Variants in BTBD9 observed in about 807,000 individuals in gnomAD.
BTBD9 encodes BTB/POZ domain-containing protein 9.
A neutral mutation model predicts 64.3 loss-of-function variants in BTBD9; 49 were observed. The ratio of observed to expected loss-of-function variants is 0.76; its 90% confidence interval spans 0.61 to 0.97. The LOEUF (loss-of-function observed/expected upper bound fraction) is 0.97. Among genes scored for constraint, BTBD9 ranks in the 50% least tolerant of loss-of-function variants. The probability of loss-of-function intolerance (pLI) is 0.00; values close to 1 mark genes in which losing one functional copy is unlikely to be tolerated. For missense variants in BTBD9, 598 were observed against 762.1 expected (o/e 0.78, Z 2.53); for synonymous variants, 260 against 274.7 (o/e 0.95, Z 0.53).
At chr6:38,591,338 T>C (rs1216186942) in intron 4 of BTBD9, among the ~76,000 whole-genome samples, 3 of 152,316 alleles carry the variant, frequency 2.0e-5, no homozygotes, top group South Asian at 2.1e-4. Flanking sequence ...CCAACTCTTA[T>C]ACTATTCAAA....
chr6:38,574,928 T>C (rs1775960063), intron 6 of BTBD9, among the ~76,000 whole-genome samples: 1 of 152,216 alleles, frequency 6.6e-6, no homozygotes. Flanking sequence ...ACTACACAGT[T>C]CTGATTTATA....
At chr6:38,554,667 G>A (rs1358471701) in intron 6 of BTBD9, among the ~76,000 whole-genome samples, 1 of 152,104 alleles carries the variant, frequency 6.6e-6, no homozygotes, top group Non-Finnish European at 1.5e-5. Context: ...TCTTTTCACA[G>A]ATTTCAAAAT....
intron 1 of BTBD9, among the ~76,000 whole-genome samples, chr6:38,603,464 T>C (rs1777325722): frequency 1.3e-5 from 2 of 152,202 alleles, no homozygotes; most frequent in Admixed American, 6.5e-5. Context: ...ACACTGAGAG[T>C]ACCATATGTA....
At chr6:38,322,637 T>C (rs1199528241) in intron 7 of BTBD9, among the ~76,000 whole-genome samples, 5 of 152,222 alleles carry the variant, frequency 3.3e-5, no homozygotes, top group Admixed American at 3.3e-4. Flanking sequence ...CAATAGCCAT[T>C]TACCGCTCCA....
chr6:38,436,372 ATTTTTT>A (rs10647439), intron 6 of BTBD9, among the ~76,000 whole-genome samples: 1 of 118,324 alleles, frequency 8.5e-6, no homozygotes, highest in Non-Finnish European at 1.7e-5. Flanking sequence ...CCCCAATTCT[ATTTTTT>A]TTTTTTTTTT....
At chr6:38,226,818 T>C (rs1405890982) in intron 9 of BTBD9, among the ~76,000 whole-genome samples, 1 of 152,202 alleles carries the variant, frequency 6.6e-6, no homozygotes, top group Non-Finnish European at 1.5e-5. Context: ...CTAAAGTCAT[T>C]TGTGGTACCA....
chr6:38,453,902 C>G (rs745580039), intron 6 of BTBD9, among the ~76,000 whole-genome samples: 7 of 152,192 alleles, frequency 4.6e-5, no homozygotes, highest in Non-Finnish European at 8.8e-5. Context: ...CATTCCAAAT[C>G]CAAACTTGTA....
rs1335904552 is a variant in BTBD9 at position 38,597,978 on chromosome 6, T to C, written c.117A>G (p.Thr39=). 1 of 1,614,052 alleles carries C rather than the reference T, an allele frequency of 6.2e-7. No homozygotes were observed. Among genetic ancestry groups the C allele is most frequent in the Non-Finnish European group, 8.5e-7 (1 of 1,179,898 alleles). ...LLIGEEYGDV[T]FVVEKKRFPA... The stretch of plus-strand genomic sequence containing the variant: ...GAAAACGTTTCTTTTCCACCACGAA[T>C]GTGACGTCGCCATATTCTTCCCCAA... Residue 39 remains threonine, a synonymous_variant, in exon 2 of 11, where the codon ACA becomes ACG. Coordinates refer to ENST00000481247, the MANE Select transcript of BTBD9 (RefSeq NM_001099272.2).
chr6:38,559,217 T>G (rs898998033), intron 6 of BTBD9, among the ~76,000 whole-genome samples: 2 of 152,128 alleles, frequency 1.3e-5, no homozygotes, highest in African/African-American at 4.8e-5. Context: ...GGTGTTTTCA[T>G]AATAGTTTCA....
intron 9 of BTBD9, among the ~76,000 whole-genome samples, chr6:38,193,201 C>T (rs1428979304): frequency 6.6e-6 from 1 of 152,166 alleles, no homozygotes; most frequent in Non-Finnish European, 1.5e-5. Flanking sequence ...ATCAGATGCG[C>T]ATCTGAGCGG....
intron 8 of BTBD9, among the ~76,000 whole-genome samples, chr6:38,264,777 G>A (rs1275883102): frequency 1.3e-5 from 2 of 152,182 alleles, no homozygotes; most frequent in Non-Finnish European, 2.9e-5. Context: ...CGGGAGCCTA[G>A]AGCCCAGTAA....
Position 38,533,826 on chromosome 6 carries a change from T to A in BTBD9, c.1154+43774A>T, listed in dbSNP as rs190593213. ...AGAAATTAAAAAGGAAATTGAAAAA[T>A]TTCTTCAAACAAATGATAATGAAAA... On this transcript the variant is annotated intron_variant, in intron 6 of 10. Transcript: ENST00000481247. Among the ~76,000 whole-genome samples, 326 of 151,886 alleles carry A rather than the reference T, an allele frequency of 2.1e-3. 2 individuals are homozygous for A. The highest frequency in any genetic ancestry group is 7.5e-3 in the African/African-American group (313 of 41,458).
At chr6:38,190,901 A>G (rs1030243372) in intron 10 of BTBD9, among the ~76,000 whole-genome samples, 2 of 152,214 alleles carry the variant, frequency 1.3e-5, no homozygotes, top group African/African-American at 4.8e-5. Flanking sequence ...TTCTGACTTG[A>G]GAATTCCTTC....
intron 7 of BTBD9, among the ~76,000 whole-genome samples, chr6:38,298,201 C>T (rs1021715728): frequency 6.6e-5 from 10 of 152,074 alleles, no homozygotes; most frequent in Admixed American, 2.0e-4. Flanking sequence ...ATTTCCCCCA[C>T]CAGCTATCCC....
In BTBD9 at chr6:38,173,902, G is replaced by A. The variant is rs1766892467; in HGVS notation, c.*1083C>T. 1 of 152,278 alleles carries A rather than the reference G, an allele frequency of 6.6e-6. No individual in the cohort carries two copies. The highest frequency in any genetic ancestry group is 1.9e-4 in the East Asian group (1 of 5,200). 9.4% of individuals were successfully genotyped at this position (152,278 alleles called of 1,614,324 possible). On this transcript the variant is annotated 3_prime_UTR_variant, in exon 11 of 11. Transcript: ENST00000481247. ...CATCAAGCCACCATCGTCAAATGAG[G>A]TCCTTTTGATGAGGATTAGGAGAAA... is the stretch of plus-strand genomic sequence containing the variant.
chr6:38,417,800 G>GAA (rs10694538), intron 6 of BTBD9, among the ~76,000 whole-genome samples: 62 of 143,034 alleles, frequency 4.3e-4, no homozygotes, highest in East Asian at 1.4e-3. Flanking sequence ...GAGAGAGAGA[G>GAA]AAAAAAAATA....
intron 6 of BTBD9, among the ~76,000 whole-genome samples, chr6:38,491,940 A>C (rs1013524757): frequency 7.2e-5 from 11 of 152,294 alleles, no homozygotes; most frequent in African/African-American, 2.6e-4. Context: ...AGGAAAGAGT[A>C]ACTTTCCTTT....
intron 6 of BTBD9, among the ~76,000 whole-genome samples, chr6:38,473,091 GT>G (rs893950700): frequency 6.6e-6 from 1 of 152,172 alleles, no homozygotes; most frequent in African/African-American, 2.4e-5. Context: ...TCCAACTTCT[GT>G]TTCTCTTCCA....
chr6:38,565,857 C>T (rs1170957026), intron 6 of BTBD9: 1 of 152,162 alleles, frequency 6.6e-6, no homozygotes, highest in African/African-American at 2.4e-5. Context: ...AAACTGGAAA[C>T]ATCCTAAAGG....
Sources: gnomAD v4.1 joint callset for allele counts (sites outside exome capture counted in the v4.1 genomes callset) on GRCh38, gnomAD v4.1.1 for gene constraint, MANE v1.5 for transcripts, NCBI Gene and HGNC (gene_info 2026-07-23, HGNC 2026-07-21) for gene names.